PYHIN1: variants seen among roughly 807,000 people sequenced by gnomAD.
PYHIN1 encodes pyrin and HIN domain family member 1.
A neutral mutation model predicts 43.7 loss-of-function variants in PYHIN1; 32 were observed. The ratio of observed to expected loss-of-function variants is 0.73; its 90% CI spans 0.55 to 0.98. The LOEUF is 0.98. Ranked by LOEUF, PYHIN1 falls within the 50% of genes least tolerant of loss-of-function variation. PYHIN1 has a pLI of 0.00. For missense variants in PYHIN1, 588 were observed against 589.5 expected (o/e 1.00, Z 0.03); for synonymous variants, 205 against 203.1 (o/e 1.01, Z -0.08).
At chr1:158,978,980 C>T (rs1651394787), downstream of PYHIN1, among the ~76,000 whole-genome samples, 1 of 152,154 alleles carries the variant, frequency 6.6e-6, no homozygotes, top group South Asian at 2.1e-4. Context: ...CCCTCATAGA[C>T]ATCTTAGAGA....
chr1:158,961,582 C>T (rs1650323031), intron 7 of PYHIN1, among the ~76,000 whole-genome samples: 2 of 151,918 alleles, frequency 1.3e-5, no homozygotes, highest in South Asian at 4.2e-4. Context: ...AAGACAATTG[C>T]TCACCTGGGA....
chr1:158,990,129 A>T, the PYHIN1 span, among the ~76,000 whole-genome samples: 6 of 152,166 alleles, frequency 3.9e-5, no homozygotes, highest in African/African-American at 1.2e-4. Context: ...GCCAAATTTA[A>T]TTTTTTAAGG....
intron 1 of PYHIN1, among the ~76,000 whole-genome samples, chr1:158,932,146 C>G (rs1371852329): frequency 6.6e-6 from 1 of 152,144 alleles, no homozygotes; most frequent in Non-Finnish European, 1.5e-5. Flanking sequence ...CATAGTATTC[C>G]ACGCTGTATA....
chr1:158,946,399 C>T (rs1374283884), intron 7 of PYHIN1, among the ~76,000 whole-genome samples: 2 of 152,076 alleles, frequency 1.3e-5, no homozygotes, highest in Non-Finnish European at 2.9e-5. Context: ...TGTTAAAAAA[C>T]ATTTACTGCA....
rs373379153 is a variant in PYHIN1, at chr1:158,976,758, A to G, written c.*63A>G. The G allele has an allele frequency of 1.6e-4, 262 of 1,592,372 alleles. No homozygotes were observed. Among genetic ancestry groups the G allele is most frequent in the South Asian group, 5.0e-4 (44 of 87,590 alleles). On this transcript the variant is annotated 3_prime_UTR_variant, in exon 9 of 9. Coordinates refer to ENST00000368140, the MANE Select transcript of PYHIN1 (RefSeq NM_152501.5). Reference sequence around the variant, plus strand: ...GTTCAATCTTTACTCAAGTGTGGAAATTTTGCCTGAAGTCCTCCACCTAAA... The same window carrying G: ...GTTCAATCTTTACTCAAGTGTGGAAGTTTTGCCTGAAGTCCTCCACCTAAA...
rs985930156 is a variant in PYHIN1 at position 158,973,534 on chromosome 1, CACAT to C, written c.1360-111_1360-108del. On this transcript the variant is annotated intron_variant, in intron 7 of 8. Transcript: ENST00000368140. ...ACACACACACACACACACACACACA[CACAT>C]ATACACACATGTATTACATCCAACT... 5.4e-5 allele frequency: 55 copies of C among 1,018,416 alleles called. No individual in the cohort carries two copies. The Middle Eastern group carries it at 6.5e-4, about 12-fold the overall frequency. The allele number at this position is 1,018,416 out of a possible 1,614,324, so 63.1% of individuals were successfully genotyped here.
chr1:158,988,759 A>G, the PYHIN1 span, among the ~76,000 whole-genome samples: 4 of 152,196 alleles, frequency 2.6e-5, no homozygotes, highest in African/African-American at 7.2e-5. Context: ...GAGAGAGATA[A>G]ACTGAAGAGA....
intron 7 of PYHIN1, among the ~76,000 whole-genome samples, chr1:158,951,874 G>A (rs1432763690): frequency 6.6e-6 from 1 of 152,194 alleles, no homozygotes; most frequent in African/African-American, 2.4e-5. Flanking sequence ...GATTTGGAGA[G>A]AGTCACGTTA....
Position 158,960,446 on chromosome 1 carries a change from T to C in PYHIN1, c.1360-13201T>C, listed in dbSNP as rs374437453. Among the ~76,000 whole-genome samples the C allele has an allele frequency of 3.2e-4, 48 of 152,348 alleles. 1 individual carries two copies. The highest frequency in any genetic ancestry group is 1.1e-3 in the African/African-American group (44 of 41,590). On this transcript the variant is annotated intron_variant, in intron 7 of 8. Transcript: ENST00000368140. ...GATTATTCTGCTGTACATGAACATC[T>C]GTAGAGCACAGCAATCCCAGGAGGA...
intron 7 of PYHIN1, among the ~76,000 whole-genome samples, chr1:158,964,234 G>C (rs1650489574): frequency 6.6e-6 from 1 of 152,144 alleles, no homozygotes; most frequent in Admixed American, 6.5e-5. Flanking sequence ...TATGTAAAGA[G>C]ACAAAGTCTA....
intron 6 of PYHIN1, among the ~76,000 whole-genome samples, chr1:158,944,284 G>C (rs542938838): frequency 2.0e-5 from 3 of 152,158 alleles, no homozygotes; most frequent in Non-Finnish European, 4.4e-5. Flanking sequence ...AGATAGGCTT[G>C]GTATATATCT....
At chr1:158,956,465 A>G (rs1447744381) in intron 7 of PYHIN1, among the ~76,000 whole-genome samples, 1 of 151,418 alleles carries the variant, frequency 6.6e-6, no homozygotes, top group Non-Finnish European at 1.5e-5. Context: ...AAATCAATAA[A>G]TGTAATCCAG....
At chr1:158,969,702 C>T (rs181248984) in intron 7 of PYHIN1, among the ~76,000 whole-genome samples, 1 of 151,940 alleles carries the variant, frequency 6.6e-6, no homozygotes, top group African/African-American at 2.4e-5. Flanking sequence ...TCCATTTACT[C>T]TCTGCTACTT....
chr1:158,983,544 A>ATTTT, the PYHIN1 span, among the ~76,000 whole-genome samples: 12 of 151,104 alleles, frequency 7.9e-5, no homozygotes, highest in African/African-American at 2.9e-4. Context: ...GTTTGCTAGT[A>ATTTT]TTTTTTTTTG....
At chr1:158,932,122 C>CT (rs1648200542) in intron 1 of PYHIN1, among the ~76,000 whole-genome samples, 1 of 152,114 alleles carries the variant, frequency 6.6e-6, no homozygotes, top group Non-Finnish European at 1.5e-5. Context: ...TGATTTCATT[C>CT]TTTTTTATGG....
intron 7 of PYHIN1, among the ~76,000 whole-genome samples, chr1:158,972,573 C>T (rs1008834749): frequency 6.6e-6 from 1 of 152,036 alleles, no homozygotes; most frequent in East Asian, 1.9e-4. Context: ...GTGTGTTCCT[C>T]TCTTACATTT....
the PYHIN1 span, among the ~76,000 whole-genome samples, chr1:158,988,965 C>T: frequency 6.6e-6 from 1 of 152,118 alleles, no homozygotes; most frequent in African/African-American, 2.4e-5. Context: ...ATGCTGTCAG[C>T]CTGTACCAAA....
downstream of PYHIN1, among the ~76,000 whole-genome samples, chr1:158,980,131 T>C (rs574110287): frequency 4.0e-4 from 61 of 152,300 alleles, no homozygotes; most frequent in African/African-American, 1.4e-3. Flanking sequence ...ACATAAATTG[T>C]GAAGATTTTG....
At chr1:158,932,282 C>A (rs568754642) in intron 1 of PYHIN1, among the ~76,000 whole-genome samples, 2 of 151,908 alleles carry the variant, frequency 1.3e-5, no homozygotes, top group African/African-American at 4.8e-5. Context: ...AAGATGGGAA[C>A]GGTAGACGCT....
Sources: allele counts gnomAD v4.1 joint callset (sites outside exome capture counted in the v4.1 genomes callset), GRCh38; gene constraint gnomAD v4.1.1; transcripts MANE v1.5; gene names NCBI Gene and HGNC (gene_info 2026-07-23, HGNC 2026-07-21).